The following ELAVL2 variants were observed in gnomAD, a reference collection of about 807,000 sequenced individuals.
ELAVL2 encodes ELAV-like protein 2.
Under a neutral mutation model 34.6 loss-of-function variants are expected in ELAVL2, and 4 were observed. The observed-to-expected ratio is 0.12, with a 90% CI of 0.06 to 0.26. ELAVL2 has a LOEUF of 0.26. ELAVL2 is among the 10% of genes least tolerant of loss of function. ELAVL2 has a pLI of 1.00. For synonymous variants in ELAVL2, 193 were observed against 154.8 expected, an observed-to-expected ratio of 1.25 and a Z score of -1.83; for missense variants, 432 against 442.8, an observed-to-expected ratio of 0.98 and a Z score of 0.22.
intron 2 of ELAVL2, among the ~76,000 whole-genome samples, chr9:23,753,145 G>T (rs751467826): frequency 6.6e-6 from 1 of 152,094 alleles, no homozygotes; most frequent in Non-Finnish European, 1.5e-5. Context: ...CTGACAAATC[G>T]AATGACACTC....
At chr9:23,784,292 C>G (rs2059426448) in intron 1 of ELAVL2, among the ~76,000 whole-genome samples, 1 of 152,010 alleles carries the variant, frequency 6.6e-6, no homozygotes, top group Non-Finnish European at 1.5e-5. Context: ...TTAAACAAGC[C>G]AAAGAATAAA....
intron 2 of ELAVL2, among the ~76,000 whole-genome samples, chr9:23,759,754 T>TTTTTTATA (rs1279843264): frequency 1.2e-5 from 1 of 81,344 alleles, no homozygotes; most frequent in African/African-American, 4.3e-5. Flanking sequence ...ATATATAGTA[T>TTTTTTATA]TATATATATA....
At chr9:23,770,982 C>T (rs750259204) in intron 1 of ELAVL2, among the ~76,000 whole-genome samples, 1 of 152,096 alleles carries the variant, frequency 6.6e-6, no homozygotes, top group African/African-American at 2.4e-5. Context: ...GAGGCCGGAA[C>T]ACATAGGGCC....
chr9:23,801,760 A>G (rs1015370251), intron 1 of ELAVL2, among the ~76,000 whole-genome samples: 1 of 152,232 alleles, frequency 6.6e-6, no homozygotes, highest in African/African-American at 2.4e-5. Context: ...TAATTCTATT[A>G]CAATATTAAA....
intron 3 of ELAVL2, among the ~76,000 whole-genome samples, chr9:23,720,371 C>T (rs1587678788): frequency 6.6e-6 from 1 of 151,152 alleles, no homozygotes; most frequent in Non-Finnish European, 1.5e-5. Flanking sequence ...GATGGGGTTT[C>T]GTCATGTTGG....
chr9:23,845,938 GAATGTC>G, the ELAVL2 span, among the ~76,000 whole-genome samples: 1 of 151,778 alleles, frequency 6.6e-6, no homozygotes, highest in Non-Finnish European at 1.5e-5. Flanking sequence ...GTTTTCTGTT[GAATGTC>G]AATGATGTCC....
intron 2 of ELAVL2, among the ~76,000 whole-genome samples, chr9:23,734,123 T>G (rs908600304): frequency 4.6e-5 from 7 of 152,328 alleles, no homozygotes; most frequent in Middle Eastern, 3.4e-3. Context: ...AAAGACTGCA[T>G]TCCTAAACCT....
At chr9:23,797,928 CAAAAGAAAAA>C (rs1295078956) in intron 1 of ELAVL2, among the ~76,000 whole-genome samples, 72 of 140,290 alleles carry the variant, frequency 5.1e-4, no homozygotes, top group African/African-American at 1.8e-3. Context: ...AACTCTGTCT[CAAAAGAAAAA>C]AAAAGAAAAG....
At chr9:23,738,190 C>A (rs2048336159) in intron 2 of ELAVL2, among the ~76,000 whole-genome samples, 1 of 152,214 alleles carries the variant, frequency 6.6e-6, no homozygotes, top group South Asian at 2.1e-4. Context: ...TTCTTAATAT[C>A]TCAGATCTGA....
At chr9:23,844,165 C>T in the ELAVL2 span, among the ~76,000 whole-genome samples, 1 of 152,016 alleles carries the variant, frequency 6.6e-6, no homozygotes, top group Non-Finnish European at 1.5e-5. Context: ...CGATAGCTTC[C>T]TCTGTGCTCC....
intron 2 of ELAVL2, among the ~76,000 whole-genome samples, chr9:23,754,460 T>C (rs1347269246): frequency 6.6e-6 from 1 of 152,032 alleles, no homozygotes; most frequent in African/African-American, 2.4e-5. Context: ...TTTTTTTTAT[T>C]ATTTTTTTGT....
intron 1 of ELAVL2, among the ~76,000 whole-genome samples, chr9:23,768,147 T>A (rs2056667101): frequency 6.6e-6 from 1 of 152,202 alleles, no homozygotes; most frequent in Non-Finnish European, 1.5e-5. Flanking sequence ...TCAAATGAAG[T>A]GTAAACTACT....
chr9:23,810,349 A>C (rs1206984276), intron 1 of ELAVL2, among the ~76,000 whole-genome samples: 1 of 152,108 alleles, frequency 6.6e-6, no homozygotes, highest in Non-Finnish European at 1.5e-5. Flanking sequence ...GGCCCTGAGG[A>C]ACAAGTTGTG....
intron 2 of ELAVL2, among the ~76,000 whole-genome samples, chr9:23,745,405 T>C (rs1388562179): frequency 1.3e-5 from 2 of 152,180 alleles, no homozygotes; most frequent in African/African-American, 4.8e-5. Flanking sequence ...CTTTTCACTT[T>C]AAGCTACCTG....
chr9:23,781,118 C>T (rs986040139), intron 1 of ELAVL2, among the ~76,000 whole-genome samples: 5 of 152,048 alleles, frequency 3.3e-5, no homozygotes, highest in Admixed American at 6.6e-5. Flanking sequence ...ACTCTGCTAG[C>T]GAACAGGGTT....
At chr9:23,790,680 T>A (rs1412610607) in intron 1 of ELAVL2, among the ~76,000 whole-genome samples, 1 of 152,184 alleles carries the variant, frequency 6.6e-6, no homozygotes, top group Non-Finnish European at 1.5e-5. Flanking sequence ...ACTGACTATC[T>A]AATGTAACTA....
chr9:23,710,004 G>C (rs994642955), intron 3 of ELAVL2, among the ~76,000 whole-genome samples: 5 of 152,258 alleles, frequency 3.3e-5, no homozygotes, highest in African/African-American at 1.2e-4. Flanking sequence ...GATTATATGA[G>C]GGAAGGGGAG....
chr9:23,767,207 G>C (rs1243719021), intron 1 of ELAVL2, among the ~76,000 whole-genome samples: 3 of 152,108 alleles, frequency 2.0e-5, no homozygotes, highest in Non-Finnish European at 4.4e-5. Flanking sequence ...AAGCCATAAA[G>C]ACTTCTAAAC....
chr9:23,693,384 C>T lies in ELAVL2; in HGVS notation c.752+64G>A. 4 of 1,603,758 alleles carry T rather than the reference C, an allele frequency of 2.5e-6. No individual in the cohort carries two copies. The South Asian group carries it at 4.4e-5, about 18-fold the overall frequency. On this transcript the variant is annotated intron_variant, in intron 6 of 6. Transcript: ENST00000397312. ...TTATGAGGGGTGTGAATAGCACTCC[C>T]AAAATCAAAGAAACCAATCAACTGT... is the stretch of plus-strand genomic sequence containing the variant.
Sources: gnomAD v4.1 joint callset for allele counts (sites outside exome capture counted in the v4.1 genomes callset) on GRCh38, gnomAD v4.1.1 for gene constraint, MANE v1.5 for transcripts, NCBI Gene and HGNC (gene_info 2026-07-23, HGNC 2026-07-21) for gene names.